PTPRD: variants seen among roughly 807,000 people sequenced by gnomAD.
The protein encoded by PTPRD is receptor-type tyrosine-protein phosphatase delta.
In PTPRD, 34 loss-of-function variants were observed where a neutral mutation model predicts 214.5. The ratio of observed to expected loss-of-function variants is 0.16; its 90% CI spans 0.12 to 0.21. PTPRD has a LOEUF of 0.21. PTPRD is among the 10% of genes least tolerant of loss of function. The pLI is 1.00. For missense variants in PTPRD, 2,545 were observed against 2,398.7 expected, an observed-to-expected ratio of 1.06 and a Z score of -1.27; for synonymous variants, 1,128 against 845.7, an observed-to-expected ratio of 1.33 and a Z score of -5.79.
At chr9:9,335,564 T>G (rs941967220) in intron 9 of PTPRD, among the ~76,000 whole-genome samples, 1 of 152,100 alleles carries the variant, frequency 6.6e-6, no homozygotes, top group Non-Finnish European at 1.5e-5. Context: ...TGGTATTTAT[T>G]TTAAATTAAA....
At chr9:8,672,456 T>G (rs540125925) in intron 12 of PTPRD, among the ~76,000 whole-genome samples, 3 of 152,292 alleles carry the variant, frequency 2.0e-5, no homozygotes, top group Non-Finnish European at 2.9e-5. Flanking sequence ...AATGTAATCT[T>G]TCGTGCTTTA....
intron 7 of PTPRD, among the ~76,000 whole-genome samples, chr9:9,708,167 T>A (rs2154420367): frequency 6.6e-6 from 1 of 152,204 alleles, no homozygotes; most frequent in Non-Finnish European, 1.5e-5. Context: ...TGACAAAACA[T>A]ATTTCTAGAA....
intron 11 of PTPRD, among the ~76,000 whole-genome samples, chr9:8,833,191 C>G (rs1281427146): frequency 6.6e-6 from 1 of 152,112 alleles, no homozygotes; most frequent in Non-Finnish European, 1.5e-5. Flanking sequence ...TCTCTTCTGA[C>G]TCATTGTATA....
In PTPRD at chr9:8,500,995, A is replaced by G. The variant is rs2097392477; in HGVS notation, c.1887T>C (p.Ser629=). 3 of 1,614,044 alleles carry G rather than the reference A, an allele frequency of 1.9e-6. No homozygotes were observed. The highest frequency in any genetic ancestry group is 2.5e-6 in the Non-Finnish European group (3 of 1,180,012). ...GTTTTTCCACTGGTGGAGGTTGCCA[A>G]CTTACCAAAATACTAGTGGAACTTG... ...TSPSSTSILV[S]WQPPPVEKQN... is the part of the protein sequence containing the mutation. The change falls in exon 24 of 46, where the codon AGT becomes AGC. Residue 629 remains serine, a synonymous_variant. Transcript: ENST00000381196.
At chr9:10,357,767 GTGCCGGAATAGGCACTAAGTATA>G (rs2097304722) in intron 2 of PTPRD, among the ~76,000 whole-genome samples, 1 of 152,156 alleles carries the variant, frequency 6.6e-6, no homozygotes, top group African/African-American at 2.4e-5. Flanking sequence ...TATGCATAAA[GTGCCGGAATAGGCACTAAGTATA>G]TGCAATGATG....
intron 3 of PTPRD, among the ~76,000 whole-genome samples, chr9:10,156,309 T>C (rs770902574): frequency 3.3e-5 from 5 of 152,152 alleles, no homozygotes; most frequent in Non-Finnish European, 5.9e-5. Flanking sequence ...GCCCTAGCTA[T>C]GTGCCAGAGA....
chr9:10,365,874 C>A (rs971670481), intron 2 of PTPRD, among the ~76,000 whole-genome samples: 2 of 152,134 alleles, frequency 1.3e-5, no homozygotes, highest in Non-Finnish European at 1.5e-5. Flanking sequence ...TTGTAGAAAG[C>A]ACAGCAATGA....
intron 2 of PTPRD, among the ~76,000 whole-genome samples, chr9:10,354,689 G>A (rs1355533088): frequency 1.3e-5 from 2 of 152,142 alleles, no homozygotes; most frequent in African/African-American, 4.8e-5. Context: ...AGGATTATAT[G>A]AGGACACTGA....
intron 11 of PTPRD, among the ~76,000 whole-genome samples, chr9:8,909,498 C>T (rs981705003): frequency 6.6e-6 from 1 of 152,016 alleles, no homozygotes; most frequent in African/African-American, 2.4e-5. Flanking sequence ...AGGGCAAAGC[C>T]ATATGATCAT....
At chr9:9,756,161 A>G (rs56273925) in intron 6 of PTPRD, among the ~76,000 whole-genome samples, 5,762 of 152,166 alleles carry the variant, frequency 0.038, 164 homozygotes, top group Non-Finnish European at 0.062. Context: ...CCACTTTAGA[A>G]AAAAATATTC....
At chr9:8,833,698 C>CTA (rs2097347388) in intron 11 of PTPRD, among the ~76,000 whole-genome samples, 3 of 115,498 alleles carry the variant, frequency 2.6e-5, no homozygotes, top group Admixed American at 9.1e-5. Context: ...CTCTCTCTCT[C>CTA]TCTATATATA....
chr9:10,532,159 C>A (rs2056542536), intron 2 of PTPRD: 1 of 152,084 alleles, frequency 6.6e-6, no homozygotes, highest in African/African-American at 2.4e-5. Context: ...GCCACACCCA[C>A]CTTTATGTGT....
At chr9:10,492,973 C>T (rs1200797707) in intron 2 of PTPRD, among the ~76,000 whole-genome samples, 1 of 151,914 alleles carries the variant, frequency 6.6e-6, no homozygotes, top group Admixed American at 6.6e-5. Flanking sequence ...CAAATAGCCA[C>T]ATAATAAGAG....
At chr9:9,645,410 T>C (rs1453192785) in intron 7 of PTPRD, among the ~76,000 whole-genome samples, 5 of 151,148 alleles carry the variant, frequency 3.3e-5, no homozygotes, top group East Asian at 3.9e-4. Flanking sequence ...TAAGTGTTGA[T>C]TTGCTTTGTT....
chr9:10,291,881 C>T (rs985825063), intron 3 of PTPRD, among the ~76,000 whole-genome samples: 1 of 152,034 alleles, frequency 6.6e-6, no homozygotes, highest in Non-Finnish European at 1.5e-5. Context: ...TGGAGCCACT[C>T]ATTTATAGTA....
intron 35 of PTPRD, among the ~76,000 whole-genome samples, chr9:8,433,141 C>T (rs1364491885): frequency 6.6e-6 from 1 of 152,146 alleles, no homozygotes; most frequent in Non-Finnish European, 1.5e-5. Context: ...AAATAAGAGA[C>T]TGATCCATAA....
chr9:9,996,162 G>C (rs1055032068), intron 4 of PTPRD, among the ~76,000 whole-genome samples: 1 of 151,998 alleles, frequency 6.6e-6, no homozygotes, highest in African/African-American at 2.4e-5. Context: ...GTATTGCCCA[G>C]AAATAAATGA....
At chr9:10,384,429 A>G (rs1430249091) in intron 2 of PTPRD, among the ~76,000 whole-genome samples, 1 of 151,736 alleles carries the variant, frequency 6.6e-6, no homozygotes, top group Non-Finnish European at 1.5e-5. Flanking sequence ...ATATGATCAA[A>G]AATAATAAAA....
chr9:9,150,866 T>C (rs965754992), intron 10 of PTPRD, among the ~76,000 whole-genome samples: 1 of 152,170 alleles, frequency 6.6e-6, no homozygotes, highest in Admixed American at 6.5e-5. Flanking sequence ...AACAAGTAAG[T>C]TCAGTTAAAT....
Sources: gnomAD v4.1 joint callset for allele counts (sites outside exome capture counted in the v4.1 genomes callset) on GRCh38, gnomAD v4.1.1 for gene constraint, MANE v1.5 for transcripts, NCBI Gene and HGNC (gene_info 2026-07-23, HGNC 2026-07-21) for gene names.